CAMK1D: variants seen among roughly 807,000 people sequenced by gnomAD.
CAMK1D encodes the protein calcium/calmodulin dependent protein kinase ID.
Under a neutral mutation model 47.7 loss-of-function variants are expected in CAMK1D, and 9 were observed. The observed-to-expected ratio is 0.19, with a 90% CI of 0.11 to 0.33. The LOEUF is 0.33. CAMK1D is among the 10% of genes least tolerant of loss of function. The probability of loss-of-function intolerance (pLI) is 1.00; values close to 1 mark genes in which losing one functional copy is unlikely to be tolerated. For synonymous variants in CAMK1D, 184 were observed against 184.9 expected, an observed-to-expected ratio of 0.99 and a Z score of 0.04; for missense variants, 291 against 488.7, an observed-to-expected ratio of 0.60 and a Z score of 3.81.
intron 3 of CAMK1D, among the ~76,000 whole-genome samples, chr10:12,697,732 A>G (rs947972010): frequency 2.6e-5 from 4 of 152,150 alleles, no homozygotes; most frequent in Admixed American, 1.3e-4. Context: ...ATCAAGGACA[A>G]GTGGAAGACC....
chr10:12,576,866 TGTCA>T (rs1837504609), intron 2 of CAMK1D, among the ~76,000 whole-genome samples: 2 of 152,124 alleles, frequency 1.3e-5, no homozygotes, highest in Admixed American at 1.3e-4. Context: ...GTCCTGTGCA[TGTCA>T]GTCAGTGAGC....
In CAMK1D at chr10:12,747,000, G is replaced by C. The variant is rs1286799840; in HGVS notation, c.300-13948G>C. On this transcript the variant is annotated intron_variant, in intron 3 of 10. Coordinates refer to ENST00000619168, the MANE Select transcript of CAMK1D (RefSeq NM_153498.4). ...ATAGATAGACAAATAAATGGAGAAA[G>C]AGTTGTTTTTTTTTTAATTTAATTC... Among the ~76,000 whole-genome samples the C allele has an allele frequency of 3.3e-5, 5 of 151,514 alleles. No individual in the cohort carries two copies. In the South Asian group the frequency reaches 8.3e-4, roughly 25 times the overall value.
intron 1 of CAMK1D, among the ~76,000 whole-genome samples, chr10:12,376,092 G>A (rs894428600): frequency 7.0e-6 from 1 of 142,506 alleles, no homozygotes; most frequent in Non-Finnish European, 1.5e-5. Flanking sequence ...GAACCTGGGA[G>A]GTAGAGGTTG....
At chr10:12,753,338 G>A (rs962973219) in intron 3 of CAMK1D, among the ~76,000 whole-genome samples, 1 of 152,204 alleles carries the variant, frequency 6.6e-6, no homozygotes, top group Non-Finnish European at 1.5e-5. Flanking sequence ...TTAGTGCAAA[G>A]CTCGTGCTGG....
At chr10:12,434,977 G>C (rs769046814) in intron 1 of CAMK1D, among the ~76,000 whole-genome samples, 3 of 152,142 alleles carry the variant, frequency 2.0e-5, no homozygotes, top group Admixed American at 6.5e-5. Flanking sequence ...CAGCACTTTG[G>C]GAGGCTGAGG....
chr10:12,676,145 G>C lies in CAMK1D; in HGVS notation c.299+9335G>C, dbSNP rs78640368. 2.3e-3 allele frequency among the ~76,000 whole-genome samples: 351 copies of C among 152,220 alleles called. 10 individuals are homozygous for C. The East Asian group carries it at 0.058, about 25-fold the overall frequency. On this transcript the variant is annotated intron_variant, in intron 3 of 10. Transcript: ENST00000619168. ...TTTTTGGTGTTTTTAGTAGAGACAGGGTTTCACCGTGTTGGCCTGGCTGGT... is the reference window on the plus strand; with the variant it reads ...TTTTTGGTGTTTTTAGTAGAGACAGCGTTTCACCGTGTTGGCCTGGCTGGT...
intron 1 of CAMK1D, among the ~76,000 whole-genome samples, chr10:12,551,119 T>C (rs1262643638): frequency 6.6e-6 from 1 of 152,226 alleles, no homozygotes; most frequent in African/African-American, 2.4e-5. Flanking sequence ...TTAGGAACTT[T>C]GCCACACAGC....
intron 2 of CAMK1D, among the ~76,000 whole-genome samples, chr10:12,635,887 A>G (rs1415806042): frequency 2.0e-5 from 3 of 152,236 alleles, no homozygotes; most frequent in East Asian, 1.9e-4. Flanking sequence ...CTTAAATTGC[A>G]TATTTCAGTT....
At chr10:12,359,323 G>GC (rs554288349) in intron 1 of CAMK1D, among the ~76,000 whole-genome samples, 152 of 152,270 alleles carry the variant, frequency 1.0e-3, no homozygotes, top group African/African-American at 3.4e-3. Flanking sequence ...ATTTATCCCT[G>GC]CCCCTCAGAG....
intron 1 of CAMK1D, among the ~76,000 whole-genome samples, chr10:12,399,661 T>C (rs1198843340): frequency 6.6e-6 from 1 of 152,200 alleles, no homozygotes; most frequent in Non-Finnish European, 1.5e-5. Context: ...AAACAAACTA[T>C]AGTGCTTCCA....
At chr10:12,677,147 G>C (rs942604792) in intron 3 of CAMK1D, among the ~76,000 whole-genome samples, 1 of 152,168 alleles carries the variant, frequency 6.6e-6, no homozygotes, top group Non-Finnish European at 1.5e-5. Context: ...TGTTTGCACA[G>C]TTCCCTGTTT....
At chr10:12,755,128 A>AT (rs1836170591) in intron 3 of CAMK1D, among the ~76,000 whole-genome samples, 1 of 152,234 alleles carries the variant, frequency 6.6e-6, no homozygotes, top group Non-Finnish European at 1.5e-5. Context: ...AAGAATAAAG[A>AT]TTTTAAAAAA....
intron 1 of CAMK1D, among the ~76,000 whole-genome samples, chr10:12,352,807 G>T (rs1221793628): frequency 6.7e-6 from 1 of 148,434 alleles, no homozygotes; most frequent in Non-Finnish European, 1.5e-5. Flanking sequence ...CGCAATCTCG[G>T]CTCACTGCAA....
Position 12,689,099 on chromosome 10 carries a change from C to G in CAMK1D, c.299+22289C>G, listed in dbSNP as rs143972196. Among the ~76,000 whole-genome samples the G allele has an allele frequency of 1.7e-3, 257 of 152,336 alleles. 1 individual carries two copies. In the Middle Eastern group the frequency reaches 0.017, roughly 10 times the overall value. ...CGGGAGGATGGTGTTCTACCCATTG[C>G]CTTCCTGCTTCATACAACTTGGACT... On this transcript the variant is annotated intron_variant, in intron 3 of 10. Coordinates refer to ENST00000619168, the MANE Select transcript of CAMK1D (RefSeq NM_153498.4).
intron 1 of CAMK1D, among the ~76,000 whole-genome samples, chr10:12,427,700 G>GTTTTTTTTGTTTTTTTTTTTT (rs1840285327): frequency 3.2e-5 from 1 of 31,030 alleles, no homozygotes; most frequent in African/African-American, 1.1e-4. Flanking sequence ...TGAACTTACT[G>GTTTTTTTTGTTTTTTTTTTTT]TTTTTTTTTT....
chr10:12,591,201 A>G (rs1476024661), intron 2 of CAMK1D, among the ~76,000 whole-genome samples: 1 of 152,224 alleles, frequency 6.6e-6, no homozygotes, highest in Non-Finnish European at 1.5e-5. Flanking sequence ...CAGATCTTAT[A>G]TAAAAGTGGA....
chr10:12,709,315 G>T (rs1218574020), intron 3 of CAMK1D, among the ~76,000 whole-genome samples: 1 of 152,108 alleles, frequency 6.6e-6, no homozygotes, highest in African/African-American at 2.4e-5. Flanking sequence ...TAAGGCCGTG[G>T]TTGGAGGATT....
intron 1 of CAMK1D, among the ~76,000 whole-genome samples, chr10:12,446,991 T>G (rs947190404): frequency 2.0e-5 from 3 of 152,206 alleles, no homozygotes; most frequent in Non-Finnish European, 2.9e-5. Flanking sequence ...CCCCAATTCA[T>G]CCTAAGACAT....
intron 1 of CAMK1D, among the ~76,000 whole-genome samples, chr10:12,527,144 G>A (rs555755648): frequency 5.6e-4 from 85 of 152,164 alleles, no homozygotes; most frequent in South Asian, 3.5e-3. Context: ...ATATTGCCCA[G>A]TAGCAGTGTA....
Sources: gnomAD v4.1 joint callset for allele counts (sites outside exome capture counted in the v4.1 genomes callset) on GRCh38, gnomAD v4.1.1 for gene constraint, MANE v1.5 for transcripts, NCBI Gene and HGNC (gene_info 2026-07-23, HGNC 2026-07-21) for gene names.